The following CNTNAP5 variants were observed in gnomAD, a reference collection of about 807,000 sequenced individuals.
CNTNAP5 encodes the protein contactin associated protein family member 5, also known as contactin-associated protein-like 5.
In CNTNAP5, 72 loss-of-function variants were observed where a neutral mutation model predicts 150.2. The ratio of observed to expected loss-of-function variants is 0.48; its 90% confidence interval spans 0.40 to 0.58. The LOEUF (loss-of-function observed/expected upper bound fraction) is 0.58, where lower values mean the gene tolerates loss of function less well. Ranked by LOEUF, CNTNAP5 falls within the 20% of genes least tolerant of loss-of-function variation. CNTNAP5 has a pLI of 0.00. For synonymous variants in CNTNAP5, 672 were observed against 619.8 expected, an observed-to-expected ratio of 1.08 and a Z score of -1.25; for missense variants, 1,636 against 1,626.2, an observed-to-expected ratio of 1.01 and a Z score of -0.10.
intron 7 of CNTNAP5, among the ~76,000 whole-genome samples, chr2:124,502,788 T>A (rs962370767): frequency 2.6e-5 from 4 of 152,138 alleles, no homozygotes; most frequent in Admixed American, 2.0e-4. Context: ...GATTTTTTTT[T>A]AAATGGTAGC....
intron 10 of CNTNAP5, among the ~76,000 whole-genome samples, chr2:124,559,179 C>G (rs1289343200): frequency 6.6e-6 from 1 of 152,166 alleles, no homozygotes; most frequent in Non-Finnish European, 1.5e-5. Context: ...CCTGGATTGT[C>G]AATAGCCCCA....
intron 21 of CNTNAP5, among the ~76,000 whole-genome samples, chr2:124,872,206 G>T (rs1437898246): frequency 2.0e-5 from 3 of 151,836 alleles, no homozygotes; most frequent in East Asian, 1.9e-4. Flanking sequence ...AAGATAATTT[G>T]TTGTCTCTGT....
chr2:124,234,523 G>A (rs1040922451), intron 2 of CNTNAP5, among the ~76,000 whole-genome samples: 1 of 152,110 alleles, frequency 6.6e-6, no homozygotes, highest in African/African-American at 2.4e-5. Flanking sequence ...AAGCCTGTAA[G>A]TTTTATATAC....
intron 1 of CNTNAP5, among the ~76,000 whole-genome samples, chr2:124,200,966 C>T (rs1291194359): frequency 6.6e-6 from 1 of 152,174 alleles, no homozygotes; most frequent in Non-Finnish European, 1.5e-5. Context: ...GGAGGCAGCC[C>T]AAGTGATGTC....
At chr2:124,836,018 G>A (rs1682822027) in intron 19 of CNTNAP5, among the ~76,000 whole-genome samples, 2 of 152,098 alleles carry the variant, frequency 1.3e-5, no homozygotes, top group Non-Finnish European at 2.9e-5. Context: ...AAGGAGATGG[G>A]CATGCTATTA....
At chr2:124,242,852 T>G (rs779988) in intron 3 of CNTNAP5, among the ~76,000 whole-genome samples, 106,842 of 152,086 alleles carry the variant, frequency 0.7, 38,022 homozygotes, top group East Asian at 1. Context: ...TGTGACTTGG[T>G]AATCTTTAAA....
chr2:124,157,431 A>C (rs1025606634), intron 1 of CNTNAP5, among the ~76,000 whole-genome samples: 2 of 150,434 alleles, frequency 1.3e-5, no homozygotes, highest in Non-Finnish European at 3.0e-5. Context: ...CAAGAAACTG[A>C]AAGGCAAACT....
intron 1 of CNTNAP5, among the ~76,000 whole-genome samples, chr2:124,071,218 G>T (rs76682128): frequency 0.012 from 1,876 of 151,810 alleles, 38 homozygotes; most frequent in African/African-American, 0.043. Flanking sequence ...ACTGAAGAGG[G>T]AAGTTTATAG....
rs887271694 is a variant in CNTNAP5 at position 124,914,351 on chromosome 2, CT to C, written c.*64del. ...TTCAATTATCTCCTCCCCCTCTTCT[CT>C]CCTGTCTTTTGATTTGGTCATTCTC... On this transcript the variant is annotated 3_prime_UTR_variant, in exon 24 of 24. Transcript: ENST00000682447. 10 of 1,199,542 alleles carry C rather than the reference CT, an allele frequency of 8.3e-6. No individual in the cohort carries two copies. In the Admixed American group the frequency reaches 2.0e-4, roughly 24 times the overall value. The allele number at this position is 1,199,542 out of a possible 1,614,324, so 74.3% of individuals were successfully genotyped here.
chr2:124,769,814 C>T (rs1011872309), intron 16 of CNTNAP5, among the ~76,000 whole-genome samples: 1 of 152,170 alleles, frequency 6.6e-6, no homozygotes, highest in Non-Finnish European at 1.5e-5. Context: ...GCCCCACCCA[C>T]ACTGGGTCAG....
chr2:124,332,596 CTAGA>C (rs1295315822), intron 3 of CNTNAP5, among the ~76,000 whole-genome samples: 8 of 151,596 alleles, frequency 5.3e-5, no homozygotes, highest in Admixed American at 3.9e-4. Context: ...TGGAAATGAC[CTAGA>C]TATTCAATGA....
intron 3 of CNTNAP5, among the ~76,000 whole-genome samples, chr2:124,362,238 C>G (rs370772035): frequency 2.0e-5 from 3 of 152,350 alleles, no homozygotes; most frequent in African/African-American, 4.8e-5. Flanking sequence ...GAACCCGGTA[C>G]GTCACATGGA....
chr2:124,351,455 A>T (rs1233312256), intron 3 of CNTNAP5, among the ~76,000 whole-genome samples: 4 of 152,208 alleles, frequency 2.6e-5, no homozygotes, highest in Non-Finnish European at 5.9e-5. Context: ...GGCATAATAG[A>T]ACTGTCATGG....
At chr2:124,291,544 GTT>G (rs752708389) in intron 3 of CNTNAP5, among the ~76,000 whole-genome samples, 1 of 144,046 alleles carries the variant, frequency 6.9e-6, no homozygotes. Context: ...ATTTTCTTCT[GTT>G]TTTTTTTTTA....
At chr2:124,272,006 T>C (rs532226713) in intron 3 of CNTNAP5, among the ~76,000 whole-genome samples, 1 of 152,124 alleles carries the variant, frequency 6.6e-6, no homozygotes, top group African/African-American at 2.4e-5. Flanking sequence ...GGAGCCACTG[T>C]GCCTGGCCTA....
chr2:124,084,083 A>G (rs1047622743), intron 1 of CNTNAP5, among the ~76,000 whole-genome samples: 1 of 152,144 alleles, frequency 6.6e-6, no homozygotes, highest in Non-Finnish European at 1.5e-5. Context: ...TTTTTAGCAT[A>G]AAAGCCCTGG....
intron 3 of CNTNAP5, among the ~76,000 whole-genome samples, chr2:124,247,589 A>T (rs1687061429): frequency 8.2e-6 from 1 of 121,922 alleles, no homozygotes; most frequent in South Asian, 2.5e-4. Context: ...CAATAAATAT[A>T]CAAAAAAATG....
chr2:124,604,466 C>A (rs981881917), intron 11 of CNTNAP5, among the ~76,000 whole-genome samples: 4 of 152,082 alleles, frequency 2.6e-5, no homozygotes, highest in African/African-American at 9.7e-5. Context: ...ATATTTTCAT[C>A]CGTTACTTTG....
chr2:124,728,331 T>C (rs1375922518), intron 13 of CNTNAP5, among the ~76,000 whole-genome samples: 1 of 152,078 alleles, frequency 6.6e-6, no homozygotes, highest in Non-Finnish European at 1.5e-5. Flanking sequence ...GCTCTTCAAT[T>C]TACGGAAGTA....
Sources: allele counts gnomAD v4.1 joint callset (sites outside exome capture counted in the v4.1 genomes callset), GRCh38; gene constraint gnomAD v4.1.1; transcripts MANE v1.5; gene names NCBI Gene and HGNC (gene_info 2026-07-23, HGNC 2026-07-21).